Variants in TPRG1 observed in about 807,000 individuals in gnomAD.
The protein encoded by TPRG1 is tumor protein p63-regulated gene 1 protein.
A neutral mutation model predicts 29.3 loss-of-function variants in TPRG1; 29 were observed. The observed-to-expected ratio is 0.99, with a 90% confidence interval of 0.74 to 1.35. TPRG1 has a LOEUF of 1.35. Among genes scored for constraint, TPRG1 ranks in the 40% most tolerant of loss-of-function variants. TPRG1 has a pLI of 0.00. For synonymous variants in TPRG1, 130 were observed against 116.8 expected (o/e 1.11, Z -0.73); for missense variants, 327 against 335.0 (o/e 0.98, Z 0.19).
chr3:189,008,326 T>C (rs940191951), intron 3 of TPRG1, among the ~76,000 whole-genome samples: 34 of 152,254 alleles, frequency 2.2e-4, no homozygotes, highest in Middle Eastern at 3.4e-3. Flanking sequence ...TGGCTGCATA[T>C]TGGAATCACT....
At chr3:189,292,330 GT>G (rs142585224) in intron 4 of TPRG1, among the ~76,000 whole-genome samples, 3 of 107,850 alleles carry the variant, frequency 2.8e-5, no homozygotes, top group East Asian at 2.4e-4. Context: ...CTTTCTACCT[GT>G]TTTTTTTCCC....
chr3:189,133,212 A>G (rs954273538), intron 3 of TPRG1, among the ~76,000 whole-genome samples: 4 of 152,172 alleles, frequency 2.6e-5, no homozygotes, highest in Non-Finnish European at 5.9e-5. Flanking sequence ...CAGATCTGGA[A>G]AGAGTTTGAA....
chr3:189,214,325 G>T (rs1271602265), intron 2 of TPRG1, among the ~76,000 whole-genome samples: 1 of 152,152 alleles, frequency 6.6e-6, no homozygotes, highest in African/African-American at 2.4e-5. Context: ...AATACAGGAA[G>T]AGAGACCCAA....
At chr3:189,035,866 T>G (rs1212715942) in intron 4 of TPRG1, among the ~76,000 whole-genome samples, 2 of 152,150 alleles carry the variant, frequency 1.3e-5, no homozygotes, top group Admixed American at 1.3e-4. Flanking sequence ...GTTTTGAGAT[T>G]TCTCGAAGAA....
intron 1 of TPRG1, among the ~76,000 whole-genome samples, chr3:189,114,063 TA>T (rs1343202425): frequency 6.6e-6 from 1 of 152,206 alleles, no homozygotes; most frequent in African/African-American, 2.4e-5. Context: ...TTAAAATTTT[TA>T]CTTTACTATT....
chr3:189,200,453 T>C (rs1209445928), intron 1 of TPRG1, among the ~76,000 whole-genome samples: 2 of 152,122 alleles, frequency 1.3e-5, no homozygotes, highest in African/African-American at 4.8e-5. Context: ...AAATCAAAAG[T>C]AGATTTTTAT....
intron 4 of TPRG1, among the ~76,000 whole-genome samples, chr3:189,047,948 T>C (rs1407510190): frequency 6.6e-6 from 1 of 152,212 alleles, no homozygotes; most frequent in African/African-American, 2.4e-5. Flanking sequence ...CCATGAATGT[T>C]GAAATTAACT....
chr3:189,066,698 A>G (rs941291128), intron 4 of TPRG1, among the ~76,000 whole-genome samples: 2 of 152,008 alleles, frequency 1.3e-5, no homozygotes, highest in African/African-American at 4.8e-5. Flanking sequence ...TATACAACAG[A>G]TCCACAGCTA....
chr3:189,037,240 C>G (rs539889025), intron 4 of TPRG1, among the ~76,000 whole-genome samples: 1 of 150,984 alleles, frequency 6.6e-6, no homozygotes, highest in Non-Finnish European at 1.5e-5. Context: ...AAAAATTCTA[C>G]GAAAATCATT....
In TPRG1 at chr3:189,175,471, A is replaced by C. The variant is rs190856577; in HGVS notation, c.-10+3340A>C. On this transcript the variant is annotated intron_variant, in intron 1 of 5. Transcript: ENST00000345063. ...TGGGTGCTGGCAGGCTCAGGGTTTC[A>C]GATCAGGCACAACATGGTGTCTTTG... Among the ~76,000 whole-genome samples the C allele has an allele frequency of 9.2e-4, 140 of 152,342 alleles. 1 individual carries two copies. Among genetic ancestry groups the C allele is most frequent in the African/African-American group, 3.2e-3 (135 of 41,578 alleles).
chr3:189,138,065 A>G (rs1002916499), intron 3 of TPRG1, among the ~76,000 whole-genome samples: 7 of 152,226 alleles, frequency 4.6e-5, no homozygotes, highest in African/African-American at 1.7e-4. Flanking sequence ...TGTGTAAACC[A>G]TAGTTCCATT....
In TPRG1 at chr3:189,059,106, C is replaced by T. The variant is rs189914534; in HGVS notation, c.-463+35160C>T. 1.4e-3 allele frequency among the ~76,000 whole-genome samples: 207 copies of T among 152,208 alleles called. 1 individual carries two copies. Among genetic ancestry groups the T allele is most frequent in the Admixed American group, 2.2e-3 (34 of 15,274 alleles). ...ATATTGGGCAAGTTATTTACCCTAG[C>T]GAGCCTCAGTTTCCTGATGTCTAAA... On this transcript the variant is annotated intron_variant, in intron 4 of 10. Coordinates refer to the TPRG1 transcript ENST00000433971.
intron 4 of TPRG1, among the ~76,000 whole-genome samples, chr3:189,034,218 A>G (rs1413079345): frequency 6.6e-6 from 1 of 152,232 alleles, no homozygotes; most frequent in East Asian, 1.9e-4. Context: ...AATTTCTAAC[A>G]AAGGAGGAAT....
At chr3:189,279,937 G>A (rs1210684364) in intron 4 of TPRG1, among the ~76,000 whole-genome samples, 3 of 152,186 alleles carry the variant, frequency 2.0e-5, no homozygotes, top group African/African-American at 7.2e-5. Flanking sequence ...CAGATAGGCA[G>A]AAGAGTTAGA....
chr3:189,204,048 A>AC (rs1372092847), intron 1 of TPRG1, among the ~76,000 whole-genome samples: 53 of 108,960 alleles, frequency 4.9e-4, no homozygotes, highest in Non-Finnish European at 8.7e-4. Flanking sequence ...AAAAAAAAAA[A>AC]AAAAAAAAAA....
intron 3 of TPRG1, among the ~76,000 whole-genome samples, chr3:189,223,806 G>A (rs1433246173): frequency 6.6e-6 from 1 of 152,138 alleles, no homozygotes; most frequent in Non-Finnish European, 1.5e-5. Flanking sequence ...AATGTACAAT[G>A]CTTATGACAG....
chr3:189,305,722 A>G (rs1721521600), intron 4 of TPRG1, among the ~76,000 whole-genome samples: 1 of 152,242 alleles, frequency 6.6e-6, no homozygotes, highest in Non-Finnish European at 1.5e-5. Flanking sequence ...TCTCAGTTAC[A>G]TATCTATAAA....
intron 4 of TPRG1, among the ~76,000 whole-genome samples, chr3:189,090,872 T>G (rs59317900): frequency 0.093 from 14,082 of 152,122 alleles, 832 homozygotes; most frequent in African/African-American, 0.17. Flanking sequence ...GTCTTTGCTT[T>G]GATTAATGAC....
chr3:189,067,508 C>A (rs1716528758), intron 4 of TPRG1, among the ~76,000 whole-genome samples: 1 of 152,020 alleles, frequency 6.6e-6, no homozygotes, highest in Non-Finnish European at 1.5e-5. Flanking sequence ...AACCCAGAAA[C>A]AAATTCACAC....
Sources: gnomAD v4.1 joint callset for allele counts (sites outside exome capture counted in the v4.1 genomes callset) on GRCh38, gnomAD v4.1.1 for gene constraint, MANE v1.5 for transcripts, NCBI Gene and HGNC (gene_info 2026-07-23, HGNC 2026-07-21) for gene names.